CCR6: variants seen among roughly 807,000 people sequenced by gnomAD.
CCR6 encodes C-C chemokine receptor type 6.
In CCR6, 2 loss-of-function variants were observed where a neutral mutation model predicts 3.0. That is an observed-to-expected ratio of 0.66 (90% CI 0.27 to 2.07). The LOEUF (loss-of-function observed/expected upper bound fraction) is 2.07, where lower values mean the gene tolerates loss of function less well. CCR6 is among the 30% of genes most tolerant of loss of function. The pLI, the probability that CCR6 is intolerant of heterozygous loss-of-function variation, is 0.14. For synonymous variants in CCR6, 193 were observed against 184.3 expected (o/e 1.05, Z -0.38); for missense variants, 322 against 462.8 (o/e 0.70, Z 2.79).
chr6:167,133,712 A>G (rs1156552917), intron 1 of CCR6, among the ~76,000 whole-genome samples: 1 of 151,648 alleles, frequency 6.6e-6, no homozygotes, highest in Non-Finnish European at 1.5e-5. Flanking sequence ...ATATCTTGAA[A>G]TTGAATCTTT....
chr6:167,123,764 C>T (rs1357425664), intron 1 of CCR6, among the ~76,000 whole-genome samples: 2 of 152,056 alleles, frequency 1.3e-5, no homozygotes, highest in Non-Finnish European at 2.9e-5. Flanking sequence ...CTGCCAATGC[C>T]ACTGTGATTA....
chr6:167,120,148 G>T (rs17860840), upstream of CCR6, among the ~76,000 whole-genome samples: 1 of 152,144 alleles, frequency 6.6e-6, no homozygotes, highest in South Asian at 2.1e-4. Flanking sequence ...AACTGGGCTC[G>T]GCTGAGTGCT....
At chr6:167,123,666 G>A (rs1781621257) in intron 1 of CCR6, among the ~76,000 whole-genome samples, 1 of 152,238 alleles carries the variant, frequency 6.6e-6, no homozygotes, top group Admixed American at 6.5e-5. Flanking sequence ...GCCTAAGATT[G>A]AGCAGGAAGG....
At chr6:167,118,788 GA>G (rs1386065470), upstream of CCR6, among the ~76,000 whole-genome samples, 3 of 152,154 alleles carry the variant, frequency 2.0e-5, no homozygotes, top group Non-Finnish European at 2.9e-5. Context: ...ACTTGAGGAG[GA>G]CTATGACAAC....
intron 1 of CCR6, among the ~76,000 whole-genome samples, chr6:167,129,801 G>A (rs1372755907): frequency 6.6e-6 from 1 of 151,656 alleles, no homozygotes; most frequent in African/African-American, 2.4e-5. Context: ...CCCGGGTCCT[G>A]TGAGAGGCTA....
chr6:167,121,895 A>G (rs1196496599), upstream of CCR6, among the ~76,000 whole-genome samples: 1 of 152,198 alleles, frequency 6.6e-6, no homozygotes, highest in Non-Finnish European at 1.5e-5. Flanking sequence ...TCTTTTATCC[A>G]GTAAGGGGGA....
intron 1 of CCR6, among the ~76,000 whole-genome samples, chr6:167,128,029 C>G (rs866396741): frequency 4.6e-5 from 7 of 152,234 alleles, no homozygotes; most frequent in Non-Finnish European, 1.0e-4. Flanking sequence ...CTGTCTGCAA[C>G]TCCAGCAACA....
intron 1 of CCR6, among the ~76,000 whole-genome samples, chr6:167,124,661 T>C (rs760601394): frequency 2.6e-5 from 4 of 152,198 alleles, no homozygotes; most frequent in Non-Finnish European, 5.9e-5. Flanking sequence ...CAGTCCTAGA[T>C]GAGCTACACT....
rs200469053 is a variant in CCR6 at position 167,137,457 on chromosome 6, C to A, written c.*102C>A. On this transcript the variant is annotated 3_prime_UTR_variant, in exon 3 of 3. Transcript: ENST00000341935. The surrounding 1 kb of genome is among the most constrained non-coding windows in gnomAD (Gnocchi z 4.6). ...ATGCATGGAAAATGTGGGAATTAAG[C>A]AAAATCAAGCAAGCCTCTCTCCTGC... is the stretch of plus-strand genomic sequence containing the variant. 1.5e-5 allele frequency: 17 copies of A among 1,100,524 alleles called. No individual in the cohort carries two copies. The East Asian group carries it at 1.7e-4, about 11-fold the overall frequency. 68.2% of individuals were successfully genotyped at this position (1,100,524 alleles called of 1,614,324 possible). A position where few individuals can be genotyped will look rare whatever the true frequency, so the allele number is the denominator to read the frequency against.
intron 1 of CCR6, chr6:167,117,090 G>C (rs1391410991): frequency 2.6e-5 from 4 of 152,460 alleles, no homozygotes; most frequent in East Asian, 1.9e-4. Flanking sequence ...CCTGAGGGCT[G>C]AGCACAAAGC....
At position 167,137,030 on chromosome 6, in the gene CCR6, A is replaced by G. The variant is rs762011552; in HGVS notation, c.800A>G (p.Gln267Arg). ...GTGGTGCTTGTGTTTCTGGCTTGTC[A>G]GATTCCTCATAACATGGTCCTGCTT... is the stretch of plus-strand genomic sequence containing the variant. ...IAVVLVFLAC[Q>R]IPHNMVLLVT... The change falls in exon 3 of 3, where the codon CAG becomes CGG. Residue 267 changes from glutamine (Q) to arginine (R), a missense_variant. By Grantham distance (43) the Gln-to-Arg change is conservative. Transcript: ENST00000341935. The surrounding 1 kb of genome is among the most constrained non-coding windows in gnomAD (Gnocchi z 4.6). 1.2e-6 allele frequency: 2 copies of G among 1,614,200 alleles called. No individual in the cohort carries two copies. Among genetic ancestry groups the G allele is most frequent in the South Asian group, 1.1e-5 (1 of 91,082 alleles).
intron 1 of CCR6, among the ~76,000 whole-genome samples, chr6:167,123,668 G>GC (rs2114918566): frequency 1.3e-5 from 2 of 152,352 alleles, no homozygotes; most frequent in South Asian, 4.1e-4. Context: ...CTAAGATTGA[G>GC]CAGGAAGGAG....
chr6:167,121,322 C>G (rs1038175321), upstream of CCR6, among the ~76,000 whole-genome samples: 1 of 152,250 alleles, frequency 6.6e-6, no homozygotes, highest in Non-Finnish European at 1.5e-5. Context: ...TTTTTGGTCC[C>G]CAGCAAAGTC....
intron 1 of CCR6, among the ~76,000 whole-genome samples, chr6:167,130,451 C>T (rs1781735773): frequency 6.6e-6 from 1 of 151,860 alleles, no homozygotes; most frequent in Non-Finnish European, 1.5e-5. Context: ...TGACTGCTGC[C>T]TGAGATCTGA....
chr6:167,121,988 C>T (rs759120562), upstream of CCR6, among the ~76,000 whole-genome samples: 37 of 152,158 alleles, frequency 2.4e-4, no homozygotes, highest in Non-Finnish European at 3.5e-4. Flanking sequence ...GGACACAGGT[C>T]CTGCTGTGTC....
At chr6:167,123,677 A>T (rs1781621451) in intron 1 of CCR6, among the ~76,000 whole-genome samples, 1 of 152,230 alleles carries the variant, frequency 6.6e-6, no homozygotes, top group Non-Finnish European at 1.5e-5. Flanking sequence ...AGCAGGAAGG[A>T]GCTTGTGAGG....
intron 1 of CCR6, among the ~76,000 whole-genome samples, chr6:167,135,466 A>G (rs1159326166): frequency 6.6e-6 from 1 of 152,240 alleles, no homozygotes; most frequent in Non-Finnish European, 1.5e-5. Context: ...GTGTGTCTTG[A>G]GAACAGCACT....
At chr6:167,135,985 C>G in intron 1 of CCR6, 53 bp from the exon 2 acceptor site, 1 of 791,292 alleles carries the variant, frequency 1.3e-6, no homozygotes, top group Non-Finnish European at 2.1e-6. Context: ...CTGTCTGGCT[C>G]TCCAGGAATA....
intron 1 of CCR6, among the ~76,000 whole-genome samples, chr6:167,127,449 A>AC (rs1415378147): frequency 1.3e-5 from 2 of 152,068 alleles, no homozygotes; most frequent in African/African-American, 4.8e-5. Flanking sequence ...ATCATTTCCC[A>AC]CCCCTGTCTG....
Sources: gnomAD v4.1 joint callset for allele counts (sites outside exome capture counted in the v4.1 genomes callset) on GRCh38, gnomAD v4.1.1 for gene constraint, Gnocchi (gnomAD v3.1) non-coding constraint, MANE v1.5 for transcripts, NCBI Gene and HGNC (gene_info 2026-07-23, HGNC 2026-07-21) for gene names.